KLF17: variants seen among roughly 807,000 people sequenced by gnomAD.
KLF17 encodes KLF transcription factor 17, also known as Krueppel-like factor 17.
A neutral mutation model predicts 34.2 loss-of-function variants in KLF17; 31 were observed. The ratio of observed to expected loss-of-function variants is 0.91; its 90% confidence interval spans 0.68 to 1.22. KLF17 has a LOEUF of 1.22. KLF17 is among the 50% of genes most tolerant of loss of function. The pLI is 0.00. For synonymous variants in KLF17, 179 were observed against 186.7 expected (o/e 0.96, Z 0.34); for missense variants, 478 against 505.2 (o/e 0.95, Z 0.52).
the KLF17 span, among the ~76,000 whole-genome samples, chr1:44,071,644 C>T: frequency 6.6e-6 from 1 of 152,140 alleles, no homozygotes; most frequent in African/African-American, 2.4e-5. Flanking sequence ...TGGCCACCTC[C>T]CTTGTCCTAG....
the KLF17 span, among the ~76,000 whole-genome samples, chr1:44,059,584 C>A: frequency 6.6e-6 from 1 of 152,116 alleles, no homozygotes; most frequent in Non-Finnish European, 1.5e-5. Flanking sequence ...CATAGTGATC[C>A]CCAAATACCC....
the KLF17 span, among the ~76,000 whole-genome samples, chr1:44,066,295 G>A: frequency 2.6e-5 from 4 of 151,058 alleles, no homozygotes; most frequent in African/African-American, 9.8e-5. Flanking sequence ...CACCAGCCTG[G>A]ACAACAGAGT....
At chr1:44,053,560 C>T in the KLF17 span, among the ~76,000 whole-genome samples, 2 of 152,166 alleles carry the variant, frequency 1.3e-5, no homozygotes, top group Non-Finnish European at 2.9e-5. Flanking sequence ...CCCCTACTGC[C>T]GGAGGAAGTA....
intron 2 of KLF17, 128 bp downstream of exon 2, chr1:44,130,324 C>A: frequency 7.3e-7 from 1 of 1,367,178 alleles, no homozygotes; most frequent in Non-Finnish European, 9.8e-7. Context: ...GCTAGACTGG[C>A]CCCCCGACTT....
At chr1:44,103,592 C>T in the KLF17 span, 317 of 1,598,784 alleles carry the variant, frequency 2.0e-4, no homozygotes, top group African/African-American at 3.9e-3. Flanking sequence ...CCTCTAGCAG[C>T]TTCCTGTAGG....
At chr1:44,104,706 A>T in the KLF17 span, 1 of 364,532 alleles carries the variant, frequency 2.7e-6, no homozygotes, top group African/African-American at 2.1e-5. Flanking sequence ...TAGGAGCGGC[A>T]TAGCAGCATT....
At chr1:44,071,700 C>T in the KLF17 span, among the ~76,000 whole-genome samples, 1 of 152,192 alleles carries the variant, frequency 6.6e-6, no homozygotes, top group Admixed American at 6.5e-5. Flanking sequence ...ATTGGGCTTC[C>T]CAGTCTCTAC....
At chr1:44,044,254 C>A in the KLF17 span, among the ~76,000 whole-genome samples, 1 of 152,180 alleles carries the variant, frequency 6.6e-6, no homozygotes, top group African/African-American at 2.4e-5. Flanking sequence ...TCTCAATGAC[C>A]GGACTGTGGT....
At chr1:44,112,429 G>A in the KLF17 span, among the ~76,000 whole-genome samples, 6 of 150,384 alleles carry the variant, frequency 4.0e-5, no homozygotes, top group Non-Finnish European at 7.4e-5. Flanking sequence ...TTTAGCATCA[G>A]GGTCTCAGTC....
chr1:44,087,724 T>TTATA, the KLF17 span, among the ~76,000 whole-genome samples: 88 of 75,542 alleles, frequency 1.2e-3, no homozygotes, highest in Middle Eastern at 7.6e-3. Flanking sequence ...CCTATATATT[T>TTATA]TATATATATA....
At chr1:44,078,328 T>A in the KLF17 span, among the ~76,000 whole-genome samples, 1 of 152,200 alleles carries the variant, frequency 6.6e-6, no homozygotes, top group East Asian at 1.9e-4. Context: ...CTTGTAAACA[T>A]TTCTGCTTTG....
At chr1:44,095,210 C>G in the KLF17 span, among the ~76,000 whole-genome samples, 1 of 119,344 alleles carries the variant, frequency 8.4e-6, no homozygotes, top group African/African-American at 3.2e-5. Context: ...CTATTTATAT[C>G]TTTTTTTTTT....
rs915230993 is a variant in KLF17 at position 44,118,852 on chromosome 1, C to G, written c.-56C>G. On this transcript the variant is annotated 5_prime_UTR_variant, in exon 1 of 4. Coordinates refer to ENST00000372299, the MANE Select transcript of KLF17 (RefSeq NM_173484.4). ...ATGTACCGATACCCGCCTGCGACGC[C>G]GTGGTGGCTGGTTCCCTGTCTCTTC... The G allele has an allele frequency of 1.7e-4, 236 of 1,395,756 alleles. 1 individual carries two copies. Among genetic ancestry groups the G allele is most frequent in the Non-Finnish European group, 6.8e-5 (70 of 1,028,976 alleles). 86.5% of individuals were successfully genotyped at this position (1,395,756 alleles called of 1,614,324 possible).
chr1:44,109,074 T>C, the KLF17 span, among the ~76,000 whole-genome samples: 1 of 152,176 alleles, frequency 6.6e-6, no homozygotes, highest in Admixed American at 6.5e-5. Flanking sequence ...TCTGAACTGG[T>C]GAGTTTTTGT....
At chr1:44,080,501 G>A in the KLF17 span, among the ~76,000 whole-genome samples, 1 of 152,062 alleles carries the variant, frequency 6.6e-6, no homozygotes, top group Non-Finnish European at 1.5e-5. Context: ...GCCTCCCAAA[G>A]TGCTGGGATT....
chr1:44,111,905 C>G, the KLF17 span, among the ~76,000 whole-genome samples: 1 of 152,090 alleles, frequency 6.6e-6, no homozygotes, highest in Non-Finnish European at 1.5e-5. Flanking sequence ...CAAAACAAAA[C>G]AAAAACTAAG....
the KLF17 span, among the ~76,000 whole-genome samples, chr1:44,074,647 A>G: frequency 6.6e-6 from 1 of 152,224 alleles, no homozygotes; most frequent in African/African-American, 2.4e-5. Flanking sequence ...TATTTCACGA[A>G]CCAGCACTAT....
the KLF17 span, among the ~76,000 whole-genome samples, chr1:44,055,775 C>A: frequency 5.3e-5 from 8 of 152,174 alleles, no homozygotes; most frequent in Non-Finnish European, 1.2e-4. Flanking sequence ...TATCCAGCCC[C>A]TAATAACAAA....
At chr1:44,066,624 T>C in the KLF17 span, among the ~76,000 whole-genome samples, 1 of 152,188 alleles carries the variant, frequency 6.6e-6, no homozygotes, top group Non-Finnish European at 1.5e-5. Flanking sequence ...TGTCATTATC[T>C]TGTGTTATTG....
Sources: gnomAD v4.1 joint callset for allele counts (sites outside exome capture counted in the v4.1 genomes callset) on GRCh38, gnomAD v4.1.1 for gene constraint, MANE v1.5 for transcripts, NCBI Gene and HGNC (gene_info 2026-07-23, HGNC 2026-07-21) for gene names.